The following LPIN1 variants were observed in gnomAD, a reference collection of about 807,000 sequenced individuals.
The protein encoded by LPIN1 is lipin 1, also known as phosphatidate phosphatase LPIN1.
In LPIN1, 71 loss-of-function variants were observed where a neutral mutation model predicts 107.5. That is an observed-to-expected ratio of 0.66 (90% CI 0.55 to 0.80). The LOEUF (loss-of-function observed/expected upper bound fraction) is 0.80. Ranked by LOEUF, LPIN1 falls within the 30% of genes least tolerant of loss-of-function variation. LPIN1 has a pLI of 0.00. For synonymous variants in LPIN1, 445 were observed against 452.6 expected, an observed-to-expected ratio of 0.98 and a Z score of 0.21; for missense variants, 1,043 against 1,160.6, an observed-to-expected ratio of 0.90 and a Z score of 1.47.
chr2:11,710,305 C>T lies in LPIN1; in HGVS notation c.82-3451C>T, dbSNP rs140534133. 9.7e-4 allele frequency among the ~76,000 whole-genome samples: 147 copies of T among 152,018 alleles called. 3 individuals carry two copies. The East Asian group carries it at 0.022, about 23-fold the overall frequency. The stretch of plus-strand genomic sequence containing the variant: ...GGGGACACAAATATTTAATCCATAG[C>T]GTCACATAAGTCTATGTTAAATGAG... On this transcript the variant is annotated intron_variant, in intron 1 of 21. Coordinates refer to the LPIN1 transcript ENST00000449576.
chr2:11,725,209 T>C (rs1278145373), intron 1 of LPIN1, among the ~76,000 whole-genome samples: 1 of 152,176 alleles, frequency 6.6e-6, no homozygotes, highest in Non-Finnish European at 1.5e-5. Context: ...TGCATTGAGC[T>C]GAGATTGTGC....
At chr2:11,755,336 TG>T (rs1668504645) in intron 1 of LPIN1, among the ~76,000 whole-genome samples, 2 of 151,924 alleles carry the variant, frequency 1.3e-5, no homozygotes, top group African/African-American at 4.8e-5. Flanking sequence ...ACTTTGAGGG[TG>T]GTGGGTGCAT....
intron 14 of LPIN1, among the ~76,000 whole-genome samples, chr2:11,795,796 G>A (rs1462850071): frequency 6.6e-6 from 1 of 152,198 alleles, no homozygotes; most frequent in Non-Finnish European, 1.5e-5. Flanking sequence ...AATAATAACA[G>A]TGAGAATAAT....
intron 1 of LPIN1, among the ~76,000 whole-genome samples, chr2:11,705,026 G>C (rs1438104330): frequency 2.0e-5 from 3 of 152,220 alleles, no homozygotes; most frequent in African/African-American, 7.2e-5. Flanking sequence ...CCACAGGATT[G>C]ATCAGACAAA....
intron 1 of LPIN1, among the ~76,000 whole-genome samples, chr2:11,740,665 C>T (rs578032440): frequency 4.5e-4 from 51 of 112,600 alleles, no homozygotes; most frequent in African/African-American, 1.6e-3. Flanking sequence ...GCCTGGGTGA[C>T]ACAGTGAGGC....
chr2:11,759,119 GCTTGCTTTCTTTCTTTTCTTTCTTT>G (rs1430863336), intron 1 of LPIN1, among the ~76,000 whole-genome samples: 6 of 147,644 alleles, frequency 4.1e-5, no homozygotes, highest in Non-Finnish European at 9.0e-5. Flanking sequence ...GAGCTAGCTA[GCTTGCTTTCTTTCTTTTCTTTCTTT>G]CTTTCTTTCT....
intron 7 of LPIN1, among the ~76,000 whole-genome samples, chr2:11,780,333 G>C (rs554604351): frequency 6.6e-6 from 1 of 152,350 alleles, no homozygotes; most frequent in East Asian, 1.9e-4. Flanking sequence ...CACAGGGAGA[G>C]AGTTGTGGAC....
intron 6 of LPIN1, 59 bp from the exon 7 acceptor site, chr2:11,779,460 C>G: frequency 1.3e-6 from 2 of 1,593,780 alleles, no homozygotes; most frequent in Non-Finnish European, 1.7e-6. Flanking sequence ...GAGCTGGGCC[C>G]AAAACATTTA....
intron 17 of LPIN1, among the ~76,000 whole-genome samples, chr2:11,812,425 G>T (rs1679827086): frequency 6.6e-6 from 1 of 151,944 alleles, no homozygotes. Flanking sequence ...GGAGTGAGGG[G>T]GTGTGTGTTT....
At chr2:11,695,655 T>C (rs774148570) in intron 1 of LPIN1, among the ~76,000 whole-genome samples, 52 of 152,286 alleles carry the variant, frequency 3.4e-4, no homozygotes, top group Non-Finnish European at 5.7e-4. Context: ...TTTTGACTGA[T>C]TGCTGTGAAA....
chr2:11,737,174 T>A (rs1452572102), intron 1 of LPIN1, among the ~76,000 whole-genome samples: 1 of 152,222 alleles, frequency 6.6e-6, no homozygotes, highest in Non-Finnish European at 1.5e-5. Flanking sequence ...GAAAACTGGC[T>A]AGCCATATGC....
At chr2:11,718,826 G>A (rs1360472543) in intron 2 of LPIN1, among the ~76,000 whole-genome samples, 1 of 152,142 alleles carries the variant, frequency 6.6e-6, no homozygotes, top group Non-Finnish European at 1.5e-5. Context: ...TTAGTCTCTT[G>A]GGGGACAATT....
chr2:11,822,323 C>T (rs1228006047), intron 20 of LPIN1, among the ~76,000 whole-genome samples: 1 of 149,642 alleles, frequency 6.7e-6, no homozygotes, highest in Non-Finnish European at 1.5e-5. Flanking sequence ...TGGCAGCTTG[C>T]ACCTGTAATC....
At chr2:11,737,000 GT>G (rs775081524) in intron 1 of LPIN1, among the ~76,000 whole-genome samples, 1 of 152,252 alleles carries the variant, frequency 6.6e-6, no homozygotes, top group Non-Finnish European at 1.5e-5. Flanking sequence ...GATCTGAAGT[GT>G]ATGCCAAAGG....
At chr2:11,814,512 A>ATGTGTG (rs71394769) in intron 17 of LPIN1, among the ~76,000 whole-genome samples, 3,590 of 138,492 alleles carry the variant, frequency 0.026, 92 homozygotes, top group African/African-American at 0.076. Context: ...GTGTGTGTGC[A>ATGTGTG]TGTGTGTGTG....
chr2:11,758,401 G>A (rs1192453716), intron 1 of LPIN1, among the ~76,000 whole-genome samples: 1 of 152,088 alleles, frequency 6.6e-6, no homozygotes, highest in Non-Finnish European at 1.5e-5. Flanking sequence ...AAGAGTTCCA[G>A]TTTCTCCATA....
At chr2:11,804,978 T>G in intron 16 of LPIN1, 92 bp from the exon 17 acceptor site, 6 of 839,842 alleles carry the variant, frequency 7.1e-6, no homozygotes, top group Non-Finnish European at 1.2e-5. Context: ...TGGGTCTTGT[T>G]TGTGTTTTTT....
At chr2:11,817,918 C>T (rs1255877581) in intron 18 of LPIN1, 1 of 109,740 alleles carries the variant, frequency 9.1e-6, no homozygotes, top group African/African-American at 3.6e-5. Flanking sequence ...TGGCAACCAG[C>T]AAGACTCTGT....
chr2:11,720,033 T>G (rs900099770), upstream of LPIN1, among the ~76,000 whole-genome samples: 2 of 152,152 alleles, frequency 1.3e-5, no homozygotes, highest in African/African-American at 4.8e-5. Context: ...TGCTCCGACT[T>G]GCTTGTCCTC....
Sources: allele counts gnomAD v4.1 joint callset (sites outside exome capture counted in the v4.1 genomes callset), GRCh38; gene constraint gnomAD v4.1.1; transcripts MANE v1.5; gene names NCBI Gene and HGNC (gene_info 2026-07-23, HGNC 2026-07-21).